TAB2: variants seen among roughly 807,000 people sequenced by gnomAD.
TAB2 encodes TGF-beta-activated kinase 1 and MAP3K7-binding protein 2.
A neutral mutation model predicts 65.0 loss-of-function variants in TAB2; 3 were observed. The ratio of observed to expected loss-of-function variants is 0.05; its 90% confidence interval spans 0.02 to 0.12. The LOEUF (loss-of-function observed/expected upper bound fraction) is 0.12. Ranked by LOEUF, TAB2 falls within the 10% of genes least tolerant of loss-of-function variation. The pLI is 1.00. For synonymous variants in TAB2, 298 were observed against 285.1 expected, an observed-to-expected ratio of 1.05 and a Z score of -0.46; for missense variants, 623 against 840.3, an observed-to-expected ratio of 0.74 and a Z score of 3.20.
At chr6:149,366,386 C>T (rs1427303687) in intron 1 of TAB2, among the ~76,000 whole-genome samples, 1 of 152,104 alleles carries the variant, frequency 6.6e-6, no homozygotes, top group Non-Finnish European at 1.5e-5. Context: ...AGAGTTTATA[C>T]ACAGAATTTA....
intron 1 of TAB2, among the ~76,000 whole-genome samples, chr6:149,236,662 C>T (rs1777501449): frequency 6.6e-6 from 1 of 152,166 alleles, no homozygotes; most frequent in Admixed American, 6.5e-5. Flanking sequence ...CAGCATAAGA[C>T]ATATCTGTTA....
chr6:149,304,666 A>G (rs1179990952), intron 1 of TAB2, among the ~76,000 whole-genome samples: 1 of 152,200 alleles, frequency 6.6e-6, no homozygotes, highest in Non-Finnish European at 1.5e-5. Flanking sequence ...TACGCAACAC[A>G]CATCTGATTT....
At chr6:149,398,463 A>G (rs1431610894) in intron 5 of TAB2, among the ~76,000 whole-genome samples, 1 of 152,170 alleles carries the variant, frequency 6.6e-6, no homozygotes, top group Non-Finnish European at 1.5e-5. Flanking sequence ...AAAAGACAGG[A>G]AGGGGAAGGA....
rs774941343 is a variant in TAB2 at position 149,401,435 on chromosome 6, A to G, written c.1939+2251A>G. ...TGGCTATAATTATATCAGAAACAAT[A>G]GATTTTTAAGTCTAAAACTTGAGAC... On this transcript the variant is annotated intron_variant, in intron 6 of 6. Transcript: ENST00000637181. The G allele has an allele frequency of 5.8e-5, 9 of 153,970 alleles. No individual in the cohort carries two copies. The East Asian group carries it at 9.6e-4, about 16-fold the overall frequency. The allele number at this position is 153,970 out of a possible 1,614,324, so 9.5% of individuals were successfully genotyped here.
chr6:149,344,377 C>G (rs571884810), intron 1 of TAB2, among the ~76,000 whole-genome samples: 1 of 152,252 alleles, frequency 6.6e-6, no homozygotes, highest in South Asian at 2.1e-4. Flanking sequence ...AATAGAGATG[C>G]ATACAACATA....
upstream of TAB2, chr6:149,218,100 G>A (rs1777060508): frequency 6.6e-6 from 1 of 152,112 alleles, no homozygotes; most frequent in Admixed American, 6.6e-5. Context: ...CATCTTATTT[G>A]AGCAATTTTG....
chr6:149,222,380 G>A (rs772374466), intron 1 of TAB2, among the ~76,000 whole-genome samples: 1 of 152,142 alleles, frequency 6.6e-6, no homozygotes, highest in Non-Finnish European at 1.5e-5. Context: ...CACTTTGGGA[G>A]GCCAAGGCAG....
intron 6 of TAB2, among the ~76,000 whole-genome samples, chr6:149,406,749 G>T (rs564180411): frequency 9.2e-5 from 14 of 151,728 alleles, no homozygotes; most frequent in Non-Finnish European, 1.9e-4. Flanking sequence ...ACAGAGTTTC[G>T]CTGTTGTTGC....
rs935530208 is a variant in TAB2, at chr6:149,368,647, G to T, written c.-89-1262G>T. On this transcript the variant is annotated intron_variant, in intron 1 of 6. Coordinates refer to ENST00000637181, the MANE Select transcript of TAB2 (RefSeq NM_001292034.3). ...ACACTACTTTTGAATGCGAAAATTT[G>T]TGTGTGTGTGTGTGTGTGTGTGTGT... Among the ~76,000 whole-genome samples the T allele has an allele frequency of 1.2e-4, 13 of 105,538 alleles. No individual in the cohort carries two copies. The South Asian group carries it at 4.9e-3, about 40-fold the overall frequency. 69.2% of individuals were successfully genotyped at this position (105,538 alleles called of 152,430 possible).
rs774835578 is a variant in TAB2, at chr6:149,390,885, TTTG to T, written c.1604-6707_1604-6705del. Among the ~76,000 whole-genome samples, 7 of 152,178 alleles carry T rather than the reference TTTG, an allele frequency of 4.6e-5. No individual in the cohort carries two copies. The East Asian group carries it at 7.7e-4, about 17-fold the overall frequency. Reference sequence around the variant, plus strand: ...TCTGTTTTCCTTGGAATTTTTAATTTTTGTTGTTGTTGTTCTCTGCCTTTATCA... The same window carrying T: ...TCTGTTTTCCTTGGAATTTTTAATTTTTGTTGTTGTTCTCTGCCTTTATCA... On this transcript the variant is annotated intron_variant, in intron 3 of 6. Coordinates refer to ENST00000637181, the MANE Select transcript of TAB2 (RefSeq NM_001292034.3).
intron 1 of TAB2, among the ~76,000 whole-genome samples, chr6:149,262,073 G>A (rs1216740603): frequency 6.6e-6 from 1 of 152,180 alleles, no homozygotes; most frequent in Non-Finnish European, 1.5e-5. Context: ...GTGAGTTAAG[G>A]GAAATAGATC....
Position 149,379,038 on chromosome 6 carries a change from A to G in TAB2, c.1123A>G (p.Asn375Asp), listed in dbSNP as rs528763509. 6 of 1,614,038 alleles carry G rather than the reference A, an allele frequency of 3.7e-6. No homozygotes were observed. The highest frequency in any genetic ancestry group is 5.1e-6 in the Non-Finnish European group (6 of 1,180,028). ...PTVYIAASPP[N>D]TDELMSRSQP... is the part of the protein sequence containing the mutation. ...TGTTTACATAGCTGCCAGCCCCCCA[A>G]ATACGGATGAGCTGATGTCCCGTAG... Residue 375 changes from asparagine to aspartate, a missense_variant, in exon 3 of 7, where the codon AAT (asparagine) becomes GAT (aspartate). This residue lies in a region of TAB2 where 550 missense variants were observed against 665.7 expected (regional missense o/e 0.83). Transcript: ENST00000637181.
rs553505517 is a variant in TAB2, at chr6:149,234,881, A to AAAAAC, written c.-121+16105_-121+16106insAAAAC. Reference sequence around the variant, plus strand: ...GAGAGTGTGAAAAAAAAAAAAAAAAACACACTCTTTTTAAAAAATGGCATT... The same window carrying AAAAAC: ...GAGAGTGTGAAAAAAAAAAAAAAAAAAAAACCACACTCTTTTTAAAAAATGGCATT... On this transcript the variant is annotated intron_variant, in intron 1 of 1. Transcript: ENST00000606202. 5.9e-3 allele frequency among the ~76,000 whole-genome samples: 869 copies of AAAAAC among 147,914 alleles called. 13 individuals are homozygous for AAAAAC. Among genetic ancestry groups the AAAAAC allele is most frequent in the African/African-American group, 0.02 (809 of 39,510 alleles).
Position 149,281,555 on chromosome 6 carries a change from C to CAAAAAAAAAAAAAAAA in TAB2, c.-121+62790_-121+62805dup, listed in dbSNP as rs59196897. ...TGAACAACACAGCAAGATGCCATCT[C>CAAAAAAAAAAAAAAAA]AAAAAAAAAAAAAAAAAAAAAAAAA... On this transcript the variant is annotated intron_variant, in intron 1 of 1. Coordinates refer to the TAB2 transcript ENST00000606202. Among the ~76,000 whole-genome samples, 36 of 70,338 alleles carry CAAAAAAAAAAAAAAAA rather than the reference C, an allele frequency of 5.1e-4. 9 individuals are homozygous for CAAAAAAAAAAAAAAAA. Among genetic ancestry groups the CAAAAAAAAAAAAAAAA allele is most frequent in the African/African-American group, 1.8e-3 (35 of 19,642 alleles). The allele number at this position is 70,338 out of a possible 152,430, so 46.1% of individuals were successfully genotyped here. A position where few individuals can be genotyped will look rare whatever the true frequency, so the allele number is the denominator to read the frequency against.
At chr6:149,259,672 G>A (rs1778112257) in intron 1 of TAB2, among the ~76,000 whole-genome samples, 1 of 152,190 alleles carries the variant, frequency 6.6e-6, no homozygotes, top group African/African-American at 2.4e-5. Flanking sequence ...ATTCATAAAA[G>A]AGTGGGGAGA....
intron 1 of TAB2, among the ~76,000 whole-genome samples, chr6:149,328,169 T>C (rs146032036): frequency 7.9e-5 from 12 of 152,348 alleles, no homozygotes; most frequent in South Asian, 2.1e-4. Context: ...GAATATCACA[T>C]GATCGAAAGA....
intron 2 of TAB2, among the ~76,000 whole-genome samples, chr6:149,374,811 T>TACC (rs1274127660): frequency 1.3e-5 from 2 of 151,992 alleles, no homozygotes. Flanking sequence ...GGGAAATTGA[T>TACC]TGACCACGGG....
chr6:149,307,219 C>T (rs984573911), intron 1 of TAB2, among the ~76,000 whole-genome samples: 3 of 150,392 alleles, frequency 2.0e-5, no homozygotes, highest in African/African-American at 7.5e-5. Flanking sequence ...AATTTTTCTG[C>T]CACCTTAGCA....
intron 1 of TAB2, among the ~76,000 whole-genome samples, chr6:149,219,286 A>G (rs1777089795): frequency 6.7e-6 from 1 of 149,902 alleles, no homozygotes; most frequent in African/African-American, 2.5e-5. Context: ...TTGCTTACCA[A>G]GTGTTTCATA....
Sources: gnomAD v4.1 joint callset for allele counts (sites outside exome capture counted in the v4.1 genomes callset) on GRCh38, gnomAD v4.1.1 for gene constraint, gnomAD v4.1.1 regional missense constraint, MANE v1.5 for transcripts, NCBI Gene and HGNC (gene_info 2026-07-23, HGNC 2026-07-21) for gene names.